Variants in TBCA observed in about 807,000 individuals in gnomAD.
The protein encoded by TBCA is tubulin folding cofactor A.
Under a neutral mutation model 15.8 loss-of-function variants are expected in TBCA, and 6 were observed. The ratio of observed to expected loss-of-function variants is 0.38; its 90% CI spans 0.21 to 0.75. The LOEUF (loss-of-function observed/expected upper bound fraction) is 0.75. TBCA is among the 30% of genes least tolerant of loss of function. TBCA has a pLI of 0.46. For synonymous variants in TBCA, 32 were observed against 42.3 expected, an observed-to-expected ratio of 0.76 and a Z score of 0.94; for missense variants, 90 against 131.2, an observed-to-expected ratio of 0.69 and a Z score of 1.53.
chr5:77,744,654 G>GC (rs1322810954), intron 1 of TBCA, among the ~76,000 whole-genome samples: 1 of 144,670 alleles, frequency 6.9e-6, no homozygotes, highest in East Asian at 2.1e-4. Flanking sequence ...TCCTGCCTCA[G>GC]CCCCCCAAGC....
intron 3 of TBCA, chr5:77,692,908 G>T: frequency 1.6e-6 from 2 of 1,218,514 alleles, no homozygotes; most frequent in South Asian, 2.4e-5. Flanking sequence ...TGAAACATTA[G>T]ATCTTTTAAA....
intron 1 of TBCA, among the ~76,000 whole-genome samples, chr5:77,764,539 C>T (rs73768454): frequency 0.071 from 10,849 of 152,108 alleles, 544 homozygotes; most frequent in African/African-American, 0.14. Context: ...CTGTTCACCT[C>T]TTTAAAAAGT....
At chr5:77,705,183 ATTTT>A (rs1018004432) in intron 2 of TBCA, among the ~76,000 whole-genome samples, 2 of 152,250 alleles carry the variant, frequency 1.3e-5, no homozygotes, top group Non-Finnish European at 2.9e-5. Flanking sequence ...TATTTGTAAA[ATTTT>A]ATTTAGAAAG....
At chr5:77,764,033 C>T (rs142234408) in intron 1 of TBCA, among the ~76,000 whole-genome samples, 1 of 152,236 alleles carries the variant, frequency 6.6e-6, no homozygotes, top group African/African-American at 2.4e-5. Context: ...TGGAGTATTA[C>T]ACAACCATCA....
intron 3 of TBCA, chr5:77,692,460 G>C (rs1020785077): frequency 2.8e-5 from 26 of 938,794 alleles, no homozygotes; most frequent in Admixed American, 1.2e-4. Context: ...TATTATTTTG[G>C]TATTTTTAGT....
chr5:77,747,412 A>C (rs1051516201), intron 1 of TBCA, among the ~76,000 whole-genome samples: 1 of 152,180 alleles, frequency 6.6e-6, no homozygotes, highest in African/African-American at 2.4e-5. Flanking sequence ...GAACTCTTAA[A>C]GACTACATAG....
At chr5:77,772,135 T>C (rs1747929581) in intron 1 of TBCA, among the ~76,000 whole-genome samples, 1 of 151,170 alleles carries the variant, frequency 6.6e-6, no homozygotes, top group South Asian at 2.1e-4. Flanking sequence ...CAAGAACATG[T>C]CTGAATCATG....
chr5:77,761,181 T>C (rs1747625223), intron 1 of TBCA, among the ~76,000 whole-genome samples: 2 of 151,228 alleles, frequency 1.3e-5, no homozygotes, highest in Non-Finnish European at 1.5e-5. Flanking sequence ...GATGGTGGTT[T>C]TGTCGAAAAG....
intron 1 of TBCA, among the ~76,000 whole-genome samples, chr5:77,765,498 C>T (rs1747750207): frequency 1.3e-5 from 2 of 152,216 alleles, no homozygotes; most frequent in Non-Finnish European, 2.9e-5. Flanking sequence ...GAGATGGTGA[C>T]ACCTGAAGCC....
rs138289751 is a variant in TBCA at position 77,733,169 on chromosome 5, T to C, written c.54-24822A>G. 5.4e-3 allele frequency among the ~76,000 whole-genome samples: 826 copies of C among 152,208 alleles called. 2 individuals carry two copies. Among genetic ancestry groups the C allele is most frequent in the African/African-American group, 0.019 (773 of 41,510 alleles). ...CGTGGCACATGCCTGTAATCCCAGC[T>C]ACTCAGGAGGCTGAGGCAAGAGAAT... is the stretch of plus-strand genomic sequence containing the variant. On this transcript the variant is annotated intron_variant, in intron 1 of 3. Coordinates refer to ENST00000380377, the MANE Select transcript of TBCA (RefSeq NM_004607.3).
At chr5:77,769,593 T>C (rs946113257) in intron 1 of TBCA, among the ~76,000 whole-genome samples, 6 of 151,896 alleles carry the variant, frequency 4.0e-5, no homozygotes, top group African/African-American at 1.2e-4. Context: ...ATATACACCA[T>C]ACACAGTTGT....
At chr5:77,768,058 A>G (rs928226635) in intron 1 of TBCA, among the ~76,000 whole-genome samples, 2 of 152,212 alleles carry the variant, frequency 1.3e-5, no homozygotes, top group South Asian at 2.1e-4. Context: ...CCATCCTGGA[A>G]GCAAGAGACC....
At chr5:77,772,173 GGA>G (rs1474519809) in intron 1 of TBCA, among the ~76,000 whole-genome samples, 2 of 151,648 alleles carry the variant, frequency 1.3e-5, no homozygotes, top group Non-Finnish European at 2.9e-5. Flanking sequence ...AACTAAATTT[GGA>G]GAGAGGAGGA....
In TBCA at chr5:77,691,507, A is replaced by G; in HGVS notation, c.247-9T>C. The stretch of plus-strand genomic sequence containing the variant: ...AAGTCTTTTTCATTTTCCTAAAATG[A>G]AATACAATAAAAATTAAGTTTATCC... On this transcript the variant is annotated splice_polypyrimidine_tract_variant and intron_variant, in intron 3 of 3. Transcript: ENST00000380377. 1 of 1,574,256 alleles carries G rather than the reference A, an allele frequency of 6.4e-7. No individual in the cohort carries two copies. The highest frequency in any genetic ancestry group is 1.2e-5 in the South Asian group (1 of 83,718).
At chr5:77,745,680 T>G (rs1049455109) in intron 1 of TBCA, among the ~76,000 whole-genome samples, 1 of 152,238 alleles carries the variant, frequency 6.6e-6, no homozygotes, top group African/African-American at 2.4e-5. Flanking sequence ...TGAACAGTGG[T>G]CAATATTTAA....
chr5:77,747,131 C>T (rs528401489), intron 1 of TBCA, among the ~76,000 whole-genome samples: 1 of 151,780 alleles, frequency 6.6e-6, no homozygotes, highest in Non-Finnish European at 1.5e-5. Flanking sequence ...CTTCCTCATA[C>T]ATACATACAC....
chr5:77,735,824 T>C (rs1023508990), intron 1 of TBCA, among the ~76,000 whole-genome samples: 2 of 152,228 alleles, frequency 1.3e-5, no homozygotes, highest in Non-Finnish European at 2.9e-5. Context: ...TTGGCAAATA[T>C]GACAAGGCCA....
rs543596357 is a variant in TBCA at position 77,772,444 on chromosome 5, C to T, written c.53+3761G>A. 5.9e-5 allele frequency among the ~76,000 whole-genome samples: 9 copies of T among 151,836 alleles called. No homozygotes were observed. The East Asian group carries it at 1.5e-3, about 26-fold the overall frequency. ...TACCTATATAACAAAACTGCACGTT[C>T]AGCACATGTATCCCAGAACTTAAAG... On this transcript the variant is annotated intron_variant, in intron 1 of 3. Coordinates refer to ENST00000380377, the MANE Select transcript of TBCA (RefSeq NM_004607.3).
At position 77,752,664 on chromosome 5, in the gene TBCA, T is replaced by C. The variant is rs1747377515; in HGVS notation, c.53+23541A>G. The stretch of plus-strand genomic sequence containing the variant: ...AGCTCCGCTTCCCGGGTTCACGCCA[T>C]TCTCCTGCCTCAGCCTCCCGAGTAG... On this transcript the variant is annotated intron_variant, in intron 1 of 3. Transcript: ENST00000380377. Among the ~76,000 whole-genome samples the C allele has an allele frequency of 1.7e-5, 2 of 114,568 alleles. 1 individual carries two copies. The highest frequency in any genetic ancestry group is 6.4e-5 in the African/African-American group (2 of 31,388). 75.2% of individuals were successfully genotyped at this position (114,568 alleles called of 152,430 possible).
Sources: allele counts gnomAD v4.1 joint callset (sites outside exome capture counted in the v4.1 genomes callset), GRCh38; gene constraint gnomAD v4.1.1; transcripts MANE v1.5; gene names NCBI Gene and HGNC (gene_info 2026-07-23, HGNC 2026-07-21).